The following KIRREL3 variants were observed in gnomAD, a reference collection of about 807,000 sequenced individuals.
The protein encoded by KIRREL3 is kirre like nephrin family adhesion molecule 3, also known as kin of IRRE-like protein 3.
Under a neutral mutation model 89.7 loss-of-function variants are expected in KIRREL3, and 36 were observed. The observed-to-expected ratio is 0.40, with a 90% CI of 0.31 to 0.53. KIRREL3 has a LOEUF of 0.53. KIRREL3 is among the 20% of genes least tolerant of loss of function. The pLI is 0.49. For synonymous variants in KIRREL3, 445 were observed against 441.4 expected (o/e 1.01, Z -0.10); for missense variants, 864 against 1,056.6 (o/e 0.82, Z 2.53).
At position 126,788,082 on chromosome 11, in the gene KIRREL3, G is replaced by C. The variant is rs531615693; in HGVS notation, c.55+212373C>G. On this transcript the variant is annotated intron_variant, in intron 1 of 16. Coordinates refer to ENST00000525144, the MANE Select transcript of KIRREL3 (RefSeq NM_032531.4). This position sits in a 1 kb window ranked among gnomAD's most constrained non-coding sequence, Gnocchi z 4.1. ...TGACCAACTTGGTAGCCCGGCTCTG[G>C]AGCCCATACTCTTAGCCACGACAAT... is the stretch of plus-strand genomic sequence containing the variant. Among the ~76,000 whole-genome samples the C allele has an allele frequency of 6.6e-6, 1 of 152,252 alleles. No individual in the cohort carries two copies. The highest frequency in any genetic ancestry group is 1.9e-4 in the East Asian group (1 of 5,182).
rs571834599 is a variant in KIRREL3 at position 126,547,430 on chromosome 11, C to A, written c.133+15405G>T. Among the ~76,000 whole-genome samples, 100 of 152,316 alleles carry A rather than the reference C, an allele frequency of 6.6e-4. 2 individuals are homozygous for A. Among genetic ancestry groups the A allele is most frequent in the South Asian group, 2.1e-3 (10 of 4,816 alleles). On this transcript the variant is annotated intron_variant, in intron 2 of 16. Transcript: ENST00000525144. Reference sequence around the variant, plus strand: ...ATCTGACGGAAAACCTATTAACATGCTACAGAAATGCTGCCTGTGTGTACG... The same window carrying A: ...ATCTGACGGAAAACCTATTAACATGATACAGAAATGCTGCCTGTGTGTACG...
At position 126,541,377 on chromosome 11, in the gene KIRREL3, T is replaced by G. The variant is rs1453601893; in HGVS notation, c.134-14690A>C. 6.6e-6 allele frequency among the ~76,000 whole-genome samples: 1 copy of G among 152,066 alleles called. No homozygotes were observed. Among genetic ancestry groups the G allele is most frequent in the African/African-American group, 2.4e-5 (1 of 41,410 alleles). On this transcript the variant is annotated intron_variant, in intron 2 of 16. Coordinates refer to ENST00000525144, the MANE Select transcript of KIRREL3 (RefSeq NM_032531.4). The surrounding 1 kb of genome is among the most constrained non-coding windows in gnomAD (Gnocchi z 4.8). ...CAACCCTAATGCTTGATGTTCTAAC[T>G]TATCCAAAATCCTATTTCGGGGGTG...
intron 1 of KIRREL3, among the ~76,000 whole-genome samples, chr11:126,631,988 G>C (rs1944045854): frequency 6.6e-6 from 1 of 151,806 alleles, no homozygotes; most frequent in Admixed American, 6.6e-5. Flanking sequence ...CTCACTCTTG[G>C]GTTCCAGGCC....
In KIRREL3 at chr11:126,666,412, G is replaced by GA. The variant is rs1289317128; in HGVS notation, c.56-103501dup. 6.6e-6 allele frequency among the ~76,000 whole-genome samples: 1 copy of GA among 152,162 alleles called. No homozygotes were observed. Among genetic ancestry groups the GA allele is most frequent in the Non-Finnish European group, 1.5e-5 (1 of 68,034 alleles). On this transcript the variant is annotated intron_variant, in intron 1 of 16. Coordinates refer to ENST00000525144, the MANE Select transcript of KIRREL3 (RefSeq NM_032531.4). This position sits in a 1 kb window ranked among gnomAD's most constrained non-coding sequence, Gnocchi z 4.2. ...TCCACCAACTGTCTAACCATTTCCT[G>GA]AAAAATAGAGGGCCAACTACCATTA...
rs373003704 is a variant in KIRREL3, at chr11:126,436,956, C to A, written c.1407G>T (p.Thr469=). ...VLESGTSGRY[T]VETISTEEGV... is the part of the protein sequence containing the mutation. ...CCTCCTCGGTGCTGATGGTCTCCACCGTATAGCGCCCCGATGTGCCCGACT... is the reference window on the plus strand; with the variant it reads ...CCTCCTCGGTGCTGATGGTCTCCACAGTATAGCGCCCCGATGTGCCCGACT... Residue 469 remains threonine (T), a synonymous_variant, in exon 12 of 17, where the codon ACG becomes ACT. Coordinates refer to ENST00000525144, the MANE Select transcript of KIRREL3 (RefSeq NM_032531.4). 1 of 1,599,388 alleles carries A rather than the reference C, an allele frequency of 6.3e-7. No homozygotes were observed. The highest frequency in any genetic ancestry group is 1.7e-5 in the Admixed American group (1 of 59,444).
intron 1 of KIRREL3, among the ~76,000 whole-genome samples, chr11:126,593,883 G>A (rs998008006): frequency 6.6e-6 from 1 of 152,132 alleles, no homozygotes; most frequent in Non-Finnish European, 1.5e-5. Flanking sequence ...CCATCACTGC[G>A]AGACTCAGGG....
intron 1 of KIRREL3, among the ~76,000 whole-genome samples, chr11:126,947,771 T>A (rs1443770899): frequency 1.3e-5 from 2 of 152,190 alleles, no homozygotes; most frequent in Non-Finnish European, 2.9e-5. Context: ...AATGTTAACG[T>A]CATAATGCAC....
In KIRREL3 at chr11:126,643,331, AAC is replaced by A. The variant is rs1169970353; in HGVS notation, c.56-80421_56-80420del. On this transcript the variant is annotated intron_variant, in intron 1 of 16. Coordinates refer to ENST00000525144, the MANE Select transcript of KIRREL3 (RefSeq NM_032531.4). The surrounding 1 kb of genome is among the most constrained non-coding windows in gnomAD (Gnocchi z 4.5). ...TTACAAATAAAGAAAATGTTAGGGA[AAC>A]ACAGAGGGGAGCTCATCAATAGTTG... Among the ~76,000 whole-genome samples the A allele has an allele frequency of 2.0e-5, 3 of 152,266 alleles. No homozygotes were observed. The highest frequency in any genetic ancestry group is 2.9e-5 in the Non-Finnish European group (2 of 68,044).
rs563077236 is a variant in KIRREL3, at chr11:126,774,355, G to C, written c.56-211443C>G. Among the ~76,000 whole-genome samples the C allele has an allele frequency of 1.6e-4, 25 of 152,258 alleles. No individual in the cohort carries two copies. In the East Asian group the frequency reaches 4.8e-3, roughly 29 times the overall value. ...GCCACCTCTGTACCCTCTAGTAGGT[G>C]CCTAGAGCTTGCACACTGGTTCCCC... On this transcript the variant is annotated intron_variant, in intron 1 of 16. Coordinates refer to ENST00000525144, the MANE Select transcript of KIRREL3 (RefSeq NM_032531.4).
chr11:126,635,765 ATTG>A lies in KIRREL3; in HGVS notation c.56-72856_56-72854del, dbSNP rs1944242281. Among the ~76,000 whole-genome samples, 1 of 152,196 alleles carries A rather than the reference ATTG, an allele frequency of 6.6e-6. No individual in the cohort carries two copies. Among genetic ancestry groups the A allele is most frequent in the African/African-American group, 2.4e-5 (1 of 41,460 alleles). On this transcript the variant is annotated intron_variant, in intron 1 of 16. Transcript: ENST00000525144. This position sits in a 1 kb window ranked among gnomAD's most constrained non-coding sequence, Gnocchi z 4.0. ...AATACCTGTTCTACTGATCTGAAGA[ATTG>A]TTGTGGTAATCTGAAGAGGCGATTG...
intron 1 of KIRREL3, among the ~76,000 whole-genome samples, chr11:126,957,712 C>T (rs750200926): frequency 1.3e-5 from 2 of 152,188 alleles, no homozygotes; most frequent in Non-Finnish European, 2.9e-5. Context: ...CTGACCTCTG[C>T]CTGGACAGGA....
rs957160338 is a variant in KIRREL3, at chr11:126,970,843, C to T, written c.55+29612G>A. ...ATCTAAGGACCCATAGAAACACTTG[C>T]AAATTAGGATCCAATGAGGCTCACC... On this transcript the variant is annotated intron_variant, in intron 1 of 16. Coordinates refer to ENST00000525144, the MANE Select transcript of KIRREL3 (RefSeq NM_032531.4). The surrounding 1 kb of genome is among the most constrained non-coding windows in gnomAD (Gnocchi z 4.4). 1.3e-4 allele frequency among the ~76,000 whole-genome samples: 20 copies of T among 152,070 alleles called. No homozygotes were observed. Among genetic ancestry groups the T allele is most frequent in the Non-Finnish European group, 2.6e-4 (18 of 68,012 alleles).
chr11:126,595,594 G>A (rs1157340688), intron 1 of KIRREL3, among the ~76,000 whole-genome samples: 1 of 152,232 alleles, frequency 6.6e-6, no homozygotes, highest in African/African-American at 2.4e-5. Context: ...ATCTTACTGA[G>A]GACTCAGTGG....
At position 126,424,471 on chromosome 11, in the gene KIRREL3, C is replaced by T; in HGVS notation, c.*109G>A. The T allele has an allele frequency of 9.4e-7, 1 of 1,064,954 alleles. No individual in the cohort carries two copies. Among genetic ancestry groups the T allele is most frequent in the Non-Finnish European group, 1.4e-6 (1 of 731,646 alleles). The allele number at this position is 1,064,954 out of a possible 1,614,324, so 66.0% of individuals were successfully genotyped here. A position where few individuals can be genotyped will look rare whatever the true frequency, so the allele number is the denominator to read the frequency against. ...GTGGCAGAGGCGCTGGGAGGCTGTC[C>T]TGGAAGTGGCCAATTCTGGTGTCCT... On this transcript the variant is annotated 3_prime_UTR_variant, in exon 17 of 17. Coordinates refer to ENST00000525144, the MANE Select transcript of KIRREL3 (RefSeq NM_032531.4).
rs1441423930 is a variant in KIRREL3, at chr11:126,535,733, C to G, written c.134-9046G>C. 6.6e-6 allele frequency among the ~76,000 whole-genome samples: 1 copy of G among 152,200 alleles called. No individual in the cohort carries two copies. The highest frequency in any genetic ancestry group is 1.9e-4 in the East Asian group (1 of 5,192). Reference sequence around the variant, plus strand: ...GGCCCGGTGGCTCACGCCTGTAATCCCAGCACTTTGGGAAGCTGAGGCGGG... The same window carrying G: ...GGCCCGGTGGCTCACGCCTGTAATCGCAGCACTTTGGGAAGCTGAGGCGGG... On this transcript the variant is annotated intron_variant, in intron 2 of 16. Coordinates refer to ENST00000525144, the MANE Select transcript of KIRREL3 (RefSeq NM_032531.4). This position sits in a 1 kb window ranked among gnomAD's most constrained non-coding sequence, Gnocchi z 4.5.
intron 4 of KIRREL3, among the ~76,000 whole-genome samples, chr11:126,510,598 C>T (rs1475882418): frequency 6.6e-6 from 1 of 152,036 alleles, no homozygotes; most frequent in Non-Finnish European, 1.5e-5. Context: ...TGCCCAGCTA[C>T]CCTGGCTCTG....
intron 1 of KIRREL3, among the ~76,000 whole-genome samples, chr11:126,659,659 C>T (rs927096268): frequency 1.3e-5 from 2 of 152,164 alleles, no homozygotes; most frequent in East Asian, 1.9e-4. Flanking sequence ...AGATGCTGCC[C>T]GAAGTCAGAT....
chr11:126,835,942 C>G (rs1477086016), intron 1 of KIRREL3, among the ~76,000 whole-genome samples: 1 of 152,162 alleles, frequency 6.6e-6, no homozygotes, highest in Non-Finnish European at 1.5e-5. Context: ...AGTAACAACT[C>G]TGAACACGGA....
chr11:126,634,301 G>A (rs898408714), intron 1 of KIRREL3, among the ~76,000 whole-genome samples: 2 of 152,204 alleles, frequency 1.3e-5, no homozygotes, highest in Non-Finnish European at 2.9e-5. Flanking sequence ...CCTATGACAT[G>A]CACTTTCCAT....
Sources: gnomAD v4.1 joint callset for allele counts (sites outside exome capture counted in the v4.1 genomes callset) on GRCh38, gnomAD v4.1.1 for gene constraint, Gnocchi (gnomAD v3.1) non-coding constraint, MANE v1.5 for transcripts, NCBI Gene and HGNC (gene_info 2026-07-23, HGNC 2026-07-21) for gene names.